Variants in ADGRA2 observed in about 807,000 individuals in gnomAD.
The protein encoded by ADGRA2 is adhesion G protein-coupled receptor A2, also known as G-protein coupled receptor 124.
In ADGRA2, 61 loss-of-function variants were observed where a neutral mutation model predicts 98.7. That is an observed-to-expected ratio of 0.62 (90% CI 0.50 to 0.76). The LOEUF is 0.76. Among genes scored for constraint, ADGRA2 ranks in the 30% least tolerant of loss-of-function variants. The pLI is 0.00. For synonymous variants in ADGRA2, 858 were observed against 831.5 expected (o/e 1.03, Z -0.55); for missense variants, 1,712 against 1,860.0 (o/e 0.92, Z 1.46).
At position 37,842,432 on chromosome 8, in the gene ADGRA2, C is replaced by A. The variant is rs1805836659; in HGVS notation, c.*77C>A. 7.2e-7 allele frequency: 1 copy of A among 1,394,338 alleles called. No homozygotes were observed. Among genetic ancestry groups the A allele is most frequent in the Admixed American group, 3.6e-5 (1 of 27,606 alleles). The allele number at this position is 1,394,338 out of a possible 1,614,324, so 86.4% of individuals were successfully genotyped here. On this transcript the variant is annotated 3_prime_UTR_variant, in exon 19 of 19. Transcript: ENST00000412232. ...CTCCTCGGGGCCCTCCAAGGTGTCT[C>A]CGTAGTCAGCAGGTTGGAGGCAGAG... is the stretch of plus-strand genomic sequence containing the variant.
At chr8:37,832,953 A>G in intron 8 of ADGRA2, 57 bp from the exon 9 acceptor site, 1 of 1,345,794 alleles carries the variant, frequency 7.4e-7, no homozygotes, top group Non-Finnish European at 1.1e-6. Context: ...AAGTCGGGAG[A>G]AGGGCTGTTG....
intron 1 of ADGRA2, among the ~76,000 whole-genome samples, chr8:37,800,806 CTTTA>C (rs979911864): frequency 3.9e-5 from 6 of 152,312 alleles, no homozygotes; most frequent in Admixed American, 1.3e-4. Flanking sequence ...CTCCTTCGTA[CTTTA>C]TTTATTTATT....
chr8:37,840,856 A>AGGGCGCC lies in ADGRA2; in HGVS notation c.2747+7_2747+8insGGGCGCC. 2 of 1,483,352 alleles carry AGGGCGCC rather than the reference A, an allele frequency of 1.3e-6. No homozygotes were observed. Among genetic ancestry groups the AGGGCGCC allele is most frequent in the Non-Finnish European group, 1.9e-6 (2 of 1,067,528 alleles). The allele number at this position is 1,483,352 out of a possible 1,614,324, so 91.9% of individuals were successfully genotyped here. ...ACCGGGACCACAGCCCCTAGTGAGC[A>AGGGCGCC]CCCCTCCCTCCCGCCCCAAGCCTAC... On this transcript the variant is annotated splice_region_variant and intron_variant, in intron 18 of 18. Transcript: ENST00000412232.
chr8:37,826,262 A>G (rs534482355), intron 2 of ADGRA2, among the ~76,000 whole-genome samples: 3 of 152,234 alleles, frequency 2.0e-5, no homozygotes, highest in African/African-American at 4.8e-5. Flanking sequence ...CCAGACCCCA[A>G]CAGGGGCCAG....
Position 37,839,000 on chromosome 8 carries a change from G to T in ADGRA2, c.2304G>T (p.Gly768=). The change falls in exon 15 of 19, where the codon GGG becomes GGT. Residue 768 remains glycine, a synonymous_variant. Coordinates refer to ENST00000412232, the MANE Select transcript of ADGRA2 (RefSeq NM_032777.10). ...FPREVGGAGA[G]LHPVVYPCTA... is the part of the protein sequence containing the mutation. ...GGGAGGTGGGGGGCGCCGGGGCAGGGCTGCACCCCGTGGTATACCCCTGCA... is the reference window on the plus strand; with the variant it reads ...GGGAGGTGGGGGGCGCCGGGGCAGGTCTGCACCCCGTGGTATACCCCTGCA... The T allele has an allele frequency of 6.3e-7, 1 of 1,594,636 alleles. No individual in the cohort carries two copies. Among genetic ancestry groups the T allele is most frequent in the Non-Finnish European group, 8.5e-7 (1 of 1,169,990 alleles).
Position 37,829,485 on chromosome 8 carries a change from C to T in ADGRA2, c.483-3C>T. 1.2e-6 allele frequency: 2 copies of T among 1,611,642 alleles called. No individual in the cohort carries two copies. The highest frequency in any genetic ancestry group is 1.7e-6 in the Non-Finnish European group (2 of 1,177,734). The stretch of plus-strand genomic sequence containing the variant: ...CATCTCAGTTGTCCCCTGTTCCCTG[C>T]AGAAACATATCTGGAAACATCTTCT... On this transcript the variant is annotated splice_polypyrimidine_tract_variant and splice_region_variant and intron_variant, in intron 4 of 18. Coordinates refer to ENST00000412232, the MANE Select transcript of ADGRA2 (RefSeq NM_032777.10).
intron 2 of ADGRA2, among the ~76,000 whole-genome samples, chr8:37,818,534 G>A (rs569382801): frequency 6.6e-6 from 1 of 152,386 alleles, no homozygotes; most frequent in East Asian, 1.9e-4. Context: ...ATGCCGAGTC[G>A]TGCGATGTAG....
chr8:37,815,654 A>G (rs1804959326), intron 2 of ADGRA2, among the ~76,000 whole-genome samples: 1 of 152,232 alleles, frequency 6.6e-6, no homozygotes, highest in South Asian at 2.1e-4. Flanking sequence ...GGGGGGATGC[A>G]GAAGCCCTGC....
intron 1 of ADGRA2, among the ~76,000 whole-genome samples, chr8:37,804,700 T>A (rs1253706389): frequency 2.0e-5 from 3 of 152,166 alleles, no homozygotes; most frequent in Admixed American, 6.5e-5. Context: ...ATTAAACAGC[T>A]CTGCAGGCAG....
chr8:37,812,369 T>G (rs1221297718), intron 1 of ADGRA2, among the ~76,000 whole-genome samples: 1 of 152,168 alleles, frequency 6.6e-6, no homozygotes, highest in Non-Finnish European at 1.5e-5. Context: ...GGCTCACGCC[T>G]GTAATCCCAG....
At chr8:37,828,586 A>G (rs531290894) in intron 2 of ADGRA2, among the ~76,000 whole-genome samples, 1 of 146,462 alleles carries the variant, frequency 6.8e-6, no homozygotes, top group Admixed American at 7.1e-5. Flanking sequence ...TCCCGGGTTC[A>G]AGCAATTCTC....
chr8:37,827,172 C>G (rs892463436), intron 2 of ADGRA2, among the ~76,000 whole-genome samples: 3 of 152,254 alleles, frequency 2.0e-5, no homozygotes, highest in Non-Finnish European at 4.4e-5. Flanking sequence ...TGAAGCCTGT[C>G]CTGGTTTAGC....
intron 2 of ADGRA2, among the ~76,000 whole-genome samples, chr8:37,816,915 AAAAG>A (rs1443012271): frequency 7.3e-6 from 1 of 136,164 alleles, no homozygotes; most frequent in Non-Finnish European, 1.5e-5. Flanking sequence ...GACTGTCTCA[AAAAG>A]AAAGCAAAAC....
chr8:37,813,787 G>A (rs1463832409), intron 1 of ADGRA2, among the ~76,000 whole-genome samples: 1 of 152,246 alleles, frequency 6.6e-6, no homozygotes, highest in East Asian at 1.9e-4. Context: ...AGAGCAGCTG[G>A]AATGTCAGCC....
chr8:37,827,625 G>A (rs988282995), intron 2 of ADGRA2, among the ~76,000 whole-genome samples: 9 of 152,184 alleles, frequency 5.9e-5, no homozygotes, highest in African/African-American at 1.7e-4. Flanking sequence ...CCGACACTGC[G>A]GGCTCCTGCG....
rs140990437 is a variant in ADGRA2, at chr8:37,844,766, C to T, written c.*2411C>T. Reference sequence around the variant, plus strand: ...CCCCTTCTCCTTGCCCCTGTCCCCACCCCGGTGGCTCCTTCTCTCGGGTCT... The same window carrying T: ...CCCCTTCTCCTTGCCCCTGTCCCCATCCCGGTGGCTCCTTCTCTCGGGTCT... On this transcript the variant is annotated 3_prime_UTR_variant, in exon 19 of 19. Transcript: ENST00000412232. 1.4e-4 allele frequency: 230 copies of T among 1,613,942 alleles called. 1 individual carries two copies. The highest frequency in any genetic ancestry group is 1.5e-4 in the Non-Finnish European group (176 of 1,180,008).
At position 37,841,492 on chromosome 8, in the gene ADGRA2, T is replaced by A; in HGVS notation, c.3154T>A (p.Cys1052Ser). 6.2e-7 allele frequency: 1 copy of A among 1,613,060 alleles called. No homozygotes were observed. The highest frequency in any genetic ancestry group is 8.5e-7 in the Non-Finnish European group (1 of 1,179,866). ...QRWLPRVVCS[C>S]LYGVAASALG... ...CTGGCTGCCCCGGGTGGTGTGCAGC[T>A]GCTTGTACGGGGTGGCAGCCTCCGC... Residue 1052 changes from cysteine (C) to serine (S), a missense_variant, in exon 19 of 19, where the codon TGC becomes AGC. Physicochemically the swap from Cys to Ser is moderately radical, Grantham distance 112. Transcript: ENST00000412232. This position sits in a 1 kb window ranked among gnomAD's most constrained non-coding sequence, Gnocchi z 5.0.
Position 37,811,633 on chromosome 8 carries a change from C to T in ADGRA2, c.267-3263C>T, listed in dbSNP as rs538005762. On this transcript the variant is annotated intron_variant, in intron 1 of 18. Transcript: ENST00000412232. Reference sequence around the variant, plus strand: ...CTGGGATTACAGGCATGCACCACCACGCCTGGCTAATTTTGTATTTTTGGT... The same window carrying T: ...CTGGGATTACAGGCATGCACCACCATGCCTGGCTAATTTTGTATTTTTGGT... 3.7e-3 allele frequency among the ~76,000 whole-genome samples: 565 copies of T among 151,132 alleles called. 1 individual carries two copies. Among genetic ancestry groups the T allele is most frequent in the African/African-American group, 0.013 (519 of 41,176 alleles).
chr8:37,837,761 C>T lies in ADGRA2; in HGVS notation c.2081C>T (p.Pro694Leu), dbSNP rs1299742090. Residue 694 changes from proline to leucine, a missense_variant, in exon 14 of 19, where the codon CCA becomes CTA. Pro to Leu is a moderately conservative substitution (Grantham distance 98). Coordinates refer to ENST00000412232, the MANE Select transcript of ADGRA2 (RefSeq NM_032777.10). ...SGCGVGNLTE[P>L]VAVSLRHWAE... ...TGTGGCGTGGGAAACCTGACAGAGC[C>T]AGTGGCCGTTTCGCTGCGGCACTGG... 1.3e-6 allele frequency: 2 copies of T among 1,553,256 alleles called. No homozygotes were observed. Among genetic ancestry groups the T allele is most frequent in the Admixed American group, 1.9e-5 (1 of 51,352 alleles).
Sources: allele counts gnomAD v4.1 joint callset (sites outside exome capture counted in the v4.1 genomes callset), GRCh38; gene constraint gnomAD v4.1.1; non-coding constraint Gnocchi (gnomAD v3.1); transcripts MANE v1.5; gene names NCBI Gene and HGNC (gene_info 2026-07-23, HGNC 2026-07-21).